INPP4B: variants seen among roughly 807,000 people sequenced by gnomAD.
INPP4B encodes inositol polyphosphate-4-phosphatase type II B, also known as inositol polyphosphate 4-phosphatase type II.
A neutral mutation model predicts 122.5 loss-of-function variants in INPP4B; 55 were observed. The ratio of observed to expected loss-of-function variants is 0.45; its 90% confidence interval spans 0.36 to 0.56. The LOEUF is 0.56. INPP4B is among the 20% of genes least tolerant of loss of function. INPP4B has a pLI of 0.00. For synonymous variants in INPP4B, 403 were observed against 388.7 expected, an observed-to-expected ratio of 1.04 and a Z score of -0.43; for missense variants, 1,000 against 1,097.7, an observed-to-expected ratio of 0.91 and a Z score of 1.26.
At chr4:142,426,029 C>A (rs1807984447) in intron 5 of INPP4B, among the ~76,000 whole-genome samples, 1 of 151,988 alleles carries the variant, frequency 6.6e-6, no homozygotes, top group South Asian at 2.1e-4. Context: ...GGAAAGAACA[C>A]AAGGAACACA....
intron 2 of INPP4B, among the ~76,000 whole-genome samples, chr4:142,659,969 T>A (rs572711679): frequency 2.0e-5 from 3 of 147,726 alleles, no homozygotes; most frequent in Non-Finnish European, 4.4e-5. Context: ...ATGTTAAGGA[T>A]CCAGAGGCAG....
At chr4:142,294,393 T>C (rs918234734) in intron 9 of INPP4B, among the ~76,000 whole-genome samples, 2 of 151,940 alleles carry the variant, frequency 1.3e-5, no homozygotes, top group Admixed American at 6.6e-5. Flanking sequence ...TGGTAAGCTG[T>C]GGTGGGGGAT....
intron 7 of INPP4B, among the ~76,000 whole-genome samples, chr4:142,378,716 AG>A (rs1792926174): frequency 6.6e-6 from 1 of 152,170 alleles, no homozygotes; most frequent in Non-Finnish European, 1.5e-5. Context: ...TAGGATTTAA[AG>A]TTTAAAGCCT....
chr4:142,731,213 G>A (rs976311332), intron 1 of INPP4B, among the ~76,000 whole-genome samples: 1 of 152,018 alleles, frequency 6.6e-6, no homozygotes, highest in African/African-American at 2.4e-5. Flanking sequence ...ACACTATTTG[G>A]ACATGTCAGA....
chr4:142,151,912 T>C (rs1814132664), intron 17 of INPP4B, among the ~76,000 whole-genome samples: 1 of 152,078 alleles, frequency 6.6e-6, no homozygotes, highest in Non-Finnish European at 1.5e-5. Context: ...CCTTGGAAGA[T>C]CTATTATTTC....
chr4:142,370,856 C>T (rs1789634413), intron 7 of INPP4B, among the ~76,000 whole-genome samples: 1 of 151,976 alleles, frequency 6.6e-6, no homozygotes, highest in South Asian at 2.1e-4. Context: ...AATCATATTA[C>T]CCAAAGCAAT....
chr4:142,192,647 G>A (rs933149770), intron 15 of INPP4B, among the ~76,000 whole-genome samples: 4 of 152,110 alleles, frequency 2.6e-5, no homozygotes, highest in African/African-American at 9.7e-5. Flanking sequence ...CTGTATTGTT[G>A]TGTCTTTTTC....
At chr4:142,349,959 T>C (rs61643803) in intron 7 of INPP4B, among the ~76,000 whole-genome samples, 2,087 of 151,934 alleles carry the variant, frequency 0.014, 40 homozygotes, top group African/African-American at 0.048. Context: ...TTCTCTTTAA[T>C]GTATGACAGA....
intron 2 of INPP4B, among the ~76,000 whole-genome samples, chr4:142,688,724 T>C (rs112406748): frequency 0.032 from 4,917 of 152,254 alleles, 261 homozygotes; most frequent in African/African-American, 0.11. Context: ...AGACTGACTT[T>C]GTAGGACTAA....
At chr4:142,725,784 A>G in intron 2 of INPP4B, 55 bp downstream of exon 2, 1 of 397,396 alleles carries the variant, frequency 2.5e-6, no homozygotes, top group Non-Finnish European at 4.4e-6. Context: ...AAAGTCAACT[A>G]GTTTCATGTA....
intron 18 of INPP4B, among the ~76,000 whole-genome samples, chr4:142,137,839 T>C (rs1360468804): frequency 4.0e-5 from 6 of 151,464 alleles, no homozygotes; most frequent in African/African-American, 9.7e-5. Context: ...CAATGAGATA[T>C]CATCTCACAC....
At chr4:142,844,838 A>T (rs1783989503) in intron 1 of INPP4B, among the ~76,000 whole-genome samples, 1 of 152,226 alleles carries the variant, frequency 6.6e-6, no homozygotes, top group Non-Finnish European at 1.5e-5. Context: ...TTTGAAATGT[A>T]GTTGTACACC....
chr4:142,126,177 T>G (rs1476676660), intron 18 of INPP4B, among the ~76,000 whole-genome samples: 1 of 152,150 alleles, frequency 6.6e-6, no homozygotes, highest in Non-Finnish European at 1.5e-5. Flanking sequence ...CATTAATATA[T>G]AAATAAATTA....
At chr4:142,035,060 C>T (rs1742990697) in intron 25 of INPP4B, among the ~76,000 whole-genome samples, 1 of 152,148 alleles carries the variant, frequency 6.6e-6, no homozygotes, top group Non-Finnish European at 1.5e-5. Context: ...CTCCCTGTCT[C>T]GCTCATCTTC....
chr4:142,185,090 G>T (rs1279188456), intron 15 of INPP4B, among the ~76,000 whole-genome samples: 2 of 152,134 alleles, frequency 1.3e-5, no homozygotes. Flanking sequence ...GGTTCTATGT[G>T]CTAGGATTAT....
intron 23 of INPP4B, among the ~76,000 whole-genome samples, chr4:142,105,503 A>G (rs1461541957): frequency 1.3e-5 from 2 of 152,186 alleles, no homozygotes; most frequent in African/African-American, 4.8e-5. Context: ...TTAGTCCACA[A>G]ATGCTTCTAT....
intron 11 of INPP4B, among the ~76,000 whole-genome samples, chr4:142,254,230 TA>T (rs1166002041): frequency 6.6e-6 from 1 of 151,752 alleles, no homozygotes; most frequent in East Asian, 1.9e-4. Flanking sequence ...AGACCAAAAG[TA>T]GATAAAACCA....
At chr4:142,629,654 A>G (rs139469158) in intron 2 of INPP4B, among the ~76,000 whole-genome samples, 65 of 152,146 alleles carry the variant, frequency 4.3e-4, no homozygotes, top group African/African-American at 1.4e-3. Context: ...ATGAAAAAAC[A>G]TGACACACTT....
intron 2 of INPP4B, among the ~76,000 whole-genome samples, chr4:142,523,972 A>G (rs1471911919): frequency 1.4e-5 from 2 of 147,726 alleles, no homozygotes; most frequent in Non-Finnish European, 3.0e-5. Flanking sequence ...CCATGTCCCT[A>G]CAAAGGACAT....
Sources: gnomAD v4.1 joint callset for allele counts (sites outside exome capture counted in the v4.1 genomes callset) on GRCh38, gnomAD v4.1.1 for gene constraint, MANE v1.5 for transcripts, NCBI Gene and HGNC (gene_info 2026-07-23, HGNC 2026-07-21) for gene names.